The following ESRRG variants were observed in gnomAD, a reference collection of about 807,000 sequenced individuals.
ESRRG encodes estrogen related receptor gamma, also known as estrogen-related receptor gamma.
In ESRRG, 13 loss-of-function variants were observed where a neutral mutation model predicts 44.0. The ratio of observed to expected loss-of-function variants is 0.30; its 90% CI spans 0.19 to 0.47. ESRRG has a LOEUF of 0.47. Among genes scored for constraint, ESRRG ranks in the 20% least tolerant of loss-of-function variants. The pLI is 1.00. For synonymous variants in ESRRG, 215 were observed against 214.6 expected (o/e 1.00, Z -0.02); for missense variants, 395 against 580.6 (o/e 0.68, Z 3.29).
At chr1:217,004,131 G>A (rs756595152) in intron 1 of ESRRG, among the ~76,000 whole-genome samples, 6 of 152,114 alleles carry the variant, frequency 3.9e-5, no homozygotes, top group East Asian at 3.9e-4. Context: ...TTTCTACAAC[G>A]TAAAATTGAC....
intron 2 of ESRRG, among the ~76,000 whole-genome samples, chr1:216,926,410 A>C (rs1393459762): frequency 2.4e-5 from 3 of 124,796 alleles, no homozygotes; most frequent in Non-Finnish European, 3.5e-5. Context: ...GATAACACCT[A>C]TGAAAAAAAA....
At position 217,014,230 on chromosome 1, in the gene ESRRG, G is replaced by A. The variant is rs995751203; in HGVS notation, c.-105-74557C>T. Among the ~76,000 whole-genome samples, 4 of 152,064 alleles carry A rather than the reference G, an allele frequency of 2.6e-5. No homozygotes were observed. In the South Asian group the frequency reaches 8.3e-4, roughly 32 times the overall value. ...TTTCTGGGGGTGTTTTCTGAAGCTG[G>A]ATGAAGTGGGTGTTGACTGACAGAC... is the stretch of plus-strand genomic sequence containing the variant. On this transcript the variant is annotated intron_variant, in intron 1 of 7. Transcript: ENST00000359162.
chr1:216,876,277 C>G (rs1475467374), intron 2 of ESRRG, among the ~76,000 whole-genome samples: 2 of 152,054 alleles, frequency 1.3e-5, no homozygotes, highest in South Asian at 4.1e-4. Context: ...AATGTAAGTA[C>G]TACAAACATT....
chr1:216,821,713 T>TAA lies in ESRRG; in HGVS notation c.-14+117867_-14+117868dup, dbSNP rs1436976300. 5.8e-4 allele frequency among the ~76,000 whole-genome samples: 60 copies of TAA among 103,014 alleles called. 10 individuals are homozygous for TAA. In the South Asian group the frequency reaches 0.02, roughly 34 times the overall value. 67.6% of individuals were successfully genotyped at this position (103,014 alleles called of 152,430 possible). On this transcript the variant is annotated intron_variant, in intron 2 of 7. Transcript: ENST00000359162. ...AAAAATAAATAAATAAATAAATAAA[T>TAA]AAATAAATAAATAAATAAATAAATA...
In ESRRG at chr1:216,656,309, A is replaced by G. The variant is rs146029610; in HGVS notation, c.473-5220T>C. On this transcript the variant is annotated intron_variant, in intron 2 of 6. Coordinates refer to ENST00000408911, the MANE Select transcript of ESRRG (RefSeq NM_001438.4). ...CTGGAATTTTCCCAGTTTTGTCAAT[A>G]GCTAGGGAAGTGTGCTCTGCTGCAG... 3.9e-3 allele frequency among the ~76,000 whole-genome samples: 598 copies of G among 152,294 alleles called. 8 individuals are homozygous for G. Among genetic ancestry groups the G allele is most frequent in the African/African-American group, 0.014 (580 of 41,576 alleles).
intron 2 of ESRRG, among the ~76,000 whole-genome samples, chr1:216,815,221 T>C (rs113258257): frequency 2.0e-5 from 3 of 152,208 alleles, no homozygotes; most frequent in Non-Finnish European, 4.4e-5. Context: ...TGTGCTGACA[T>C]TGTTCAGTGC....
intron 1 of ESRRG, among the ~76,000 whole-genome samples, chr1:216,964,451 G>A (rs1439879103): frequency 6.6e-6 from 1 of 152,062 alleles, no homozygotes; most frequent in Non-Finnish European, 1.5e-5. Context: ...CTATCCCATG[G>A]GCAACTCTGC....
intron 1 of ESRRG, among the ~76,000 whole-genome samples, chr1:217,011,947 T>A (rs2078677154): frequency 6.6e-6 from 1 of 152,202 alleles, no homozygotes. Context: ...GTACCCCCTC[T>A]GCAGGATTAC....
intron 2 of ESRRG, among the ~76,000 whole-genome samples, chr1:216,890,949 A>G (rs2057706286): frequency 6.6e-6 from 1 of 152,166 alleles, no homozygotes; most frequent in Admixed American, 6.5e-5. Flanking sequence ...TCGAGTAATA[A>G]CTTCTAGGGA....
intron 2 of ESRRG, among the ~76,000 whole-genome samples, chr1:216,795,509 T>C (rs1363133993): frequency 6.6e-6 from 1 of 151,754 alleles, no homozygotes; most frequent in African/African-American, 2.4e-5. Flanking sequence ...CCTGGCTAAT[T>C]TTTGTATTTT....
chr1:216,765,616 A>G (rs1472876174), intron 2 of ESRRG, among the ~76,000 whole-genome samples: 1 of 152,132 alleles, frequency 6.6e-6, no homozygotes, highest in Non-Finnish European at 1.5e-5. Flanking sequence ...GGTGGGTTCC[A>G]TGCTGAGGGA....
At chr1:216,653,310 C>G (rs2069488769) in intron 2 of ESRRG, among the ~76,000 whole-genome samples, 1 of 152,188 alleles carries the variant, frequency 6.6e-6, no homozygotes, top group African/African-American at 2.4e-5. Flanking sequence ...CTGACCCACT[C>G]TAATCCATGT....
At chr1:217,080,243 A>T (rs1332218458) in intron 1 of ESRRG, among the ~76,000 whole-genome samples, 2 of 152,168 alleles carry the variant, frequency 1.3e-5, no homozygotes, top group Non-Finnish European at 2.9e-5. Context: ...ATATTCTCAA[A>T]CAGGCTTAGC....
intron 1 of ESRRG, among the ~76,000 whole-genome samples, chr1:216,971,920 G>A (rs1271778021): frequency 6.6e-6 from 1 of 152,162 alleles, no homozygotes; most frequent in Non-Finnish European, 1.5e-5. Context: ...CCCATAACTT[G>A]TGAATTACTA....
At chr1:217,109,781 G>A (rs1040332495) in intron 1 of ESRRG, among the ~76,000 whole-genome samples, 1 of 152,236 alleles carries the variant, frequency 6.6e-6, no homozygotes, top group Non-Finnish European at 1.5e-5. Context: ...AGGTGAATGT[G>A]GCAAAGTTAC....
At chr1:216,518,843 A>C (rs1369354559) in intron 6 of ESRRG, among the ~76,000 whole-genome samples, 1 of 152,194 alleles carries the variant, frequency 6.6e-6, no homozygotes, top group Non-Finnish European at 1.5e-5. Flanking sequence ...CAATAGAAAT[A>C]ATTTTGTCCT....
intron 1 of ESRRG, among the ~76,000 whole-genome samples, chr1:217,074,453 A>G (rs12754262): frequency 1.4e-5 from 1 of 71,832 alleles, no homozygotes; most frequent in African/African-American, 4.4e-5. Context: ...CACCCCCCCC[A>G]AAAAAAAAAA....
chr1:216,629,014 T>C (rs2063659625), intron 3 of ESRRG, among the ~76,000 whole-genome samples: 1 of 152,154 alleles, frequency 6.6e-6, no homozygotes, highest in Non-Finnish European at 1.5e-5. Context: ...CCTTCACGAG[T>C]TAATGTCTGC....
chr1:216,601,144 AC>A (rs1460452782), intron 3 of ESRRG, among the ~76,000 whole-genome samples: 1 of 151,974 alleles, frequency 6.6e-6, no homozygotes, highest in Non-Finnish European at 1.5e-5. Flanking sequence ...GCCCACTGCC[AC>A]CCGCAGGCTG....
Sources: gnomAD v4.1 joint callset for allele counts (sites outside exome capture counted in the v4.1 genomes callset) on GRCh38, gnomAD v4.1.1 for gene constraint, MANE v1.5 for transcripts, NCBI Gene and HGNC (gene_info 2026-07-23, HGNC 2026-07-21) for gene names.